Variants in GRIA4 observed in about 807,000 individuals in gnomAD.
GRIA4 encodes the protein glutamate ionotropic receptor AMPA type subunit 4.
GRIA4 carries 34 observed loss-of-function variants against 104.0 expected under a neutral mutation model. The ratio of observed to expected loss-of-function variants is 0.33; its 90% CI spans 0.25 to 0.44. GRIA4 has a LOEUF of 0.44. Ranked by LOEUF, GRIA4 falls within the 20% of genes least tolerant of loss-of-function variation. The pLI is 1.00. For missense variants in GRIA4, 750 were observed against 1,096.5 expected (o/e 0.68, Z 4.46); for synonymous variants, 386 against 381.9 (o/e 1.01, Z -0.13).
chr11:105,688,386 G>A (rs910964292), intron 3 of GRIA4, among the ~76,000 whole-genome samples: 3 of 151,758 alleles, frequency 2.0e-5, no homozygotes, highest in Admixed American at 6.6e-5. Flanking sequence ...GTGAAACCCC[G>A]TCTCTACTAA....
At chr11:105,927,086 G>T (rs887065396) in intron 13 of GRIA4, 147 bp downstream of exon 13, 4 of 612,692 alleles carry the variant, frequency 6.5e-6, no homozygotes, top group Non-Finnish European at 1.1e-5. Flanking sequence ...CTTCTAACTG[G>T]ATTTTATAAT....
chr11:105,822,748 A>G (rs1355935898), intron 4 of GRIA4, among the ~76,000 whole-genome samples: 1 of 152,168 alleles, frequency 6.6e-6, no homozygotes, highest in African/African-American at 2.4e-5. Flanking sequence ...ATGCCAGTTA[A>G]GAAAGTGAAA....
chr11:105,825,124 G>A (rs1228704506), intron 4 of GRIA4, among the ~76,000 whole-genome samples: 1 of 151,966 alleles, frequency 6.6e-6, no homozygotes, highest in Non-Finnish European at 1.5e-5. Flanking sequence ...AAAAAGCTAG[G>A]CCAATGGAAA....
chr11:105,933,859 C>G lies in GRIA4; in HGVS notation c.2184C>G (p.Ser728=), dbSNP rs1483597043. The change falls in exon 14 of 17, where the codon TCC becomes TCG. Residue 728 remains serine (S), a synonymous_variant. Coordinates refer to ENST00000282499, the MANE Select transcript of GRIA4 (RefSeq NM_000829.4). ...SKGKFAFLLE[S]TMNEYIEQRK... ...GCAAATTTGCCTTTCTCCTGGAGTC[C>G]ACTATGAATGAATACATTGAGCAGC... is the stretch of plus-strand genomic sequence containing the variant. 1.9e-6 allele frequency: 3 copies of G among 1,613,462 alleles called. No homozygotes were observed. Among genetic ancestry groups the G allele is most frequent in the Non-Finnish European group, 2.5e-6 (3 of 1,179,618 alleles).
chr11:105,643,417 C>G (rs1342908075), intron 3 of GRIA4, among the ~76,000 whole-genome samples: 2 of 152,152 alleles, frequency 1.3e-5, no homozygotes, highest in African/African-American at 4.8e-5. Flanking sequence ...TTGTCAGCAC[C>G]TCTAGGTACA....
chr11:105,912,048 A>AT, intron 10 of GRIA4: 1 of 1,147,930 alleles, frequency 8.7e-7, no homozygotes, highest in Non-Finnish European at 1.1e-6. Flanking sequence ...AGAAAAAAAA[A>AT]ATTTTAAGTT....
At chr11:105,671,779 G>T (rs1003860727) in intron 3 of GRIA4, among the ~76,000 whole-genome samples, 3 of 150,828 alleles carry the variant, frequency 2.0e-5, no homozygotes, top group Non-Finnish European at 4.4e-5. Flanking sequence ...TACTCTTAAG[G>T]AAATGACTAT....
At chr11:105,631,264 A>G (rs937474413) in intron 3 of GRIA4, among the ~76,000 whole-genome samples, 1 of 152,206 alleles carries the variant, frequency 6.6e-6, no homozygotes, top group African/African-American at 2.4e-5. Flanking sequence ...GGGCTAGTGC[A>G]TGTATCTATA....
chr11:105,787,133 T>A (rs1025858423), intron 4 of GRIA4, among the ~76,000 whole-genome samples: 8 of 152,190 alleles, frequency 5.3e-5, no homozygotes, highest in Non-Finnish European at 1.0e-4. Flanking sequence ...TGAGCACTGA[T>A]CTCTGTTCCA....
chr11:105,871,959 G>C (rs4755118), intron 5 of GRIA4, among the ~76,000 whole-genome samples: 12,125 of 152,112 alleles, frequency 0.08, 716 homozygotes, highest in Admixed American at 0.18. Context: ...TTATGTTTAT[G>C]CTAAAGCAAC....
At chr11:105,686,296 C>T (rs1411180682) in intron 3 of GRIA4, among the ~76,000 whole-genome samples, 1 of 152,152 alleles carries the variant, frequency 6.6e-6, no homozygotes, top group Admixed American at 6.6e-5. Context: ...CAAGGTTTAG[C>T]TCCTAGTTAT....
At chr11:105,860,956 G>GGAA (rs1491144541) in intron 4 of GRIA4, among the ~76,000 whole-genome samples, 1 of 106,100 alleles carries the variant, frequency 9.4e-6, no homozygotes. Context: ...AAGACTGTCT[G>GGAA]AAAAAAAAAA....
At chr11:105,809,256 T>C (rs1943075348) in intron 4 of GRIA4, among the ~76,000 whole-genome samples, 1 of 152,168 alleles carries the variant, frequency 6.6e-6, no homozygotes, top group African/African-American at 2.4e-5. Flanking sequence ...TACATATTTA[T>C]GGGGTACATG....
intron 4 of GRIA4, among the ~76,000 whole-genome samples, chr11:105,850,327 C>T (rs1245052310): frequency 6.6e-6 from 1 of 152,064 alleles, no homozygotes; most frequent in Non-Finnish European, 1.5e-5. Flanking sequence ...ATCTTAATAC[C>T]TATTCAGAAA....
chr11:105,847,895 T>G (rs930021938), intron 4 of GRIA4, among the ~76,000 whole-genome samples: 18 of 152,222 alleles, frequency 1.2e-4, no homozygotes, highest in African/African-American at 4.3e-4. Context: ...TTCTGGACTT[T>G]GTAACTATCT....
chr11:105,811,310 T>G (rs1222484883), intron 4 of GRIA4, among the ~76,000 whole-genome samples: 1 of 152,184 alleles, frequency 6.6e-6, no homozygotes, highest in Non-Finnish European at 1.5e-5. Flanking sequence ...ATGAAAACTC[T>G]TACTGCAACT....
At chr11:105,644,708 G>A (rs1209864964) in intron 3 of GRIA4, among the ~76,000 whole-genome samples, 1 of 152,090 alleles carries the variant, frequency 6.6e-6, no homozygotes, top group Non-Finnish European at 1.5e-5. Flanking sequence ...AGGAAATACG[G>A]TAAGGGCACA....
At chr11:105,876,994 T>C (rs2085419617) in intron 5 of GRIA4, among the ~76,000 whole-genome samples, 1 of 152,204 alleles carries the variant, frequency 6.6e-6, no homozygotes, top group Non-Finnish European at 1.5e-5. Flanking sequence ...CTTAAAGCAG[T>C]TTCTTCATAG....
intron 14 of GRIA4, among the ~76,000 whole-genome samples, chr11:105,960,545 CA>C (rs889462429): frequency 3.9e-5 from 6 of 152,194 alleles, no homozygotes; most frequent in African/African-American, 1.4e-4. Context: ...GCCCTTCCCC[CA>C]CCCAGGTAGT....
Sources: gnomAD v4.1 joint callset for allele counts (sites outside exome capture counted in the v4.1 genomes callset) on GRCh38, gnomAD v4.1.1 for gene constraint, MANE v1.5 for transcripts, NCBI Gene and HGNC (gene_info 2026-07-23, HGNC 2026-07-21) for gene names.